CMC1: variants seen among roughly 807,000 people sequenced by gnomAD.
CMC1 encodes C-X9-C motif containing 1.
CMC1 carries 14 observed loss-of-function variants against 14.1 expected under a neutral mutation model. The observed-to-expected ratio is 0.99, with a 90% CI of 0.66 to 1.55. CMC1 has a LOEUF of 1.55. CMC1 is among the 40% of genes most tolerant of loss of function. CMC1 has a pLI of 0.00. For missense variants in CMC1, 127 were observed against 123.8 expected, an observed-to-expected ratio of 1.03 and a Z score of -0.12; for synonymous variants, 50 against 38.4, an observed-to-expected ratio of 1.30 and a Z score of -1.12.
At chr3:28,285,566 T>C (rs914639978) in intron 2 of CMC1, among the ~76,000 whole-genome samples, 4 of 151,998 alleles carry the variant, frequency 2.6e-5, no homozygotes, top group Non-Finnish European at 4.4e-5. Flanking sequence ...GAGAAATCTA[T>C]TGGGTACAGG....
chr3:28,278,045 T>TGATTGTGTGATTGATGA, intron 2 of CMC1, among the ~76,000 whole-genome samples: 1 of 150,170 alleles, frequency 6.7e-6, no homozygotes, highest in African/African-American at 2.4e-5. Context: ...CATTTTTGTC[T>TGATTGTGTGATTGATGA]GATTGTGTGA....
intron 1 of CMC1, among the ~76,000 whole-genome samples, chr3:28,249,671 G>A (rs992270182): frequency 1.3e-5 from 2 of 152,162 alleles, no homozygotes; most frequent in Non-Finnish European, 1.5e-5. Flanking sequence ...CCTCTCAGGT[G>A]GTTCTTGGGT....
At chr3:28,248,821 G>T (rs1334009227) in intron 1 of CMC1, among the ~76,000 whole-genome samples, 1 of 151,700 alleles carries the variant, frequency 6.6e-6, no homozygotes, top group Non-Finnish European at 1.5e-5. Flanking sequence ...ACAGAGTCTC[G>T]CTCTGTTGCC....
chr3:28,257,701 T>G (rs568084706), intron 1 of CMC1, among the ~76,000 whole-genome samples: 1 of 152,156 alleles, frequency 6.6e-6, no homozygotes, highest in East Asian at 1.9e-4. Context: ...GTATTTTTAG[T>G]AGGGACAGGG....
chr3:28,248,058 T>C (rs996704622), intron 1 of CMC1, among the ~76,000 whole-genome samples: 1 of 152,086 alleles, frequency 6.6e-6, no homozygotes, highest in Non-Finnish European at 1.5e-5. Context: ...CACCAAAATA[T>C]CATATAACCT....
rs1218584136 is a variant in CMC1 at position 28,324,687 on chromosome 3, C to G, written c.*5058C>G. The G allele has an allele frequency of 1.6e-5, 6 of 368,294 alleles. No individual in the cohort carries two copies. The highest frequency in any genetic ancestry group is 7.8e-5 in the East Asian group (2 of 25,602). The allele number at this position is 368,294 out of a possible 1,614,324, so 22.8% of individuals were successfully genotyped here. On this transcript the variant is annotated 3_prime_UTR_variant, in exon 4 of 4. Transcript: ENST00000466830. ...TTTGTCTCTTAGCTGCTCCTGATGT[C>G]TCTTTCCTTGTCTGCAGAATGGATA...
At chr3:28,247,479 C>A (rs914259904) in intron 1 of CMC1, among the ~76,000 whole-genome samples, 6 of 152,100 alleles carry the variant, frequency 3.9e-5, no homozygotes, top group African/African-American at 1.2e-4. Context: ...GGCTTTCATG[C>A]CCTTTTTCAG....
chr3:28,264,597 TCAAC>T (rs1699907423), intron 2 of CMC1, among the ~76,000 whole-genome samples: 1 of 152,194 alleles, frequency 6.6e-6, no homozygotes, highest in Admixed American at 6.5e-5. Flanking sequence ...TCTTGAGACG[TCAAC>T]CTATTGACAC....
chr3:28,288,320 G>T (rs1701301062), intron 2 of CMC1, among the ~76,000 whole-genome samples: 1 of 151,946 alleles, frequency 6.6e-6, no homozygotes, highest in Non-Finnish European at 1.5e-5. Flanking sequence ...TGAGCCAAGT[G>T]ATATCAAATA....
intron 2 of CMC1, among the ~76,000 whole-genome samples, chr3:28,302,790 T>G (rs963215440): frequency 6.6e-6 from 1 of 152,190 alleles, no homozygotes; most frequent in Non-Finnish European, 1.5e-5. Flanking sequence ...CCTGTGGTAG[T>G]GATACAATGT....
At chr3:28,285,769 A>ATTT (rs34243188) in intron 2 of CMC1, among the ~76,000 whole-genome samples, 2 of 142,460 alleles carry the variant, frequency 1.4e-5, no homozygotes, top group South Asian at 2.2e-4. Flanking sequence ...AATTCTCAGC[A>ATTT]TTTTTTTTTT....
chr3:28,314,832 G>A (rs1218108159), intron 2 of CMC1, among the ~76,000 whole-genome samples: 2 of 151,896 alleles, frequency 1.3e-5, no homozygotes, highest in African/African-American at 2.4e-5. Flanking sequence ...AAATATTTTT[G>A]TTACATAATT....
Position 28,320,205 on chromosome 3 carries a change from G to A in CMC1, c.*576G>A, listed in dbSNP as rs1559452493. ...GCTCTTATATTGGTAGTTACTGTTA[G>A]TAGTAGTAGAGGCTTATTTGGAAAC... is the stretch of plus-strand genomic sequence containing the variant. On this transcript the variant is annotated 3_prime_UTR_variant, in exon 4 of 4. Transcript: ENST00000466830. The A allele has an allele frequency of 6.6e-6, 1 of 151,602 alleles. No homozygotes were observed. Among genetic ancestry groups the A allele is most frequent in the Non-Finnish European group, 1.5e-5 (1 of 67,764 alleles). The allele number at this position is 151,602 out of a possible 1,614,324, so 9.4% of individuals were successfully genotyped here.
intron 2 of CMC1, among the ~76,000 whole-genome samples, chr3:28,309,093 C>G (rs1376460951): frequency 6.6e-6 from 1 of 152,098 alleles, no homozygotes; most frequent in Non-Finnish European, 1.5e-5. Flanking sequence ...TCTCTGGTGC[C>G]ACATAGTCCT....
intron 1 of CMC1, among the ~76,000 whole-genome samples, chr3:28,254,614 G>A (rs1037710432): frequency 3.3e-5 from 5 of 152,164 alleles, no homozygotes; most frequent in African/African-American, 1.2e-4. Context: ...TGGAAAAATG[G>A]TTTGATATTA....
At chr3:28,271,123 T>C (rs1700263699) in intron 2 of CMC1, among the ~76,000 whole-genome samples, 1 of 151,776 alleles carries the variant, frequency 6.6e-6, no homozygotes. Context: ...TTTTTTGAGA[T>C]GGAGTCTCAC....
At chr3:28,306,678 CT>C (rs1702330714) in intron 2 of CMC1, among the ~76,000 whole-genome samples, 1 of 146,688 alleles carries the variant, frequency 6.8e-6, no homozygotes, top group African/African-American at 2.5e-5. Flanking sequence ...GAGTCTTGCT[CT>C]TGTCACCCAG....
Position 28,319,494 on chromosome 3 carries a change from A to T in CMC1, c.201-15A>T, listed in dbSNP as rs1279825148. 1 of 1,578,778 alleles carries T rather than the reference A, an allele frequency of 6.3e-7. No homozygotes were observed. The highest frequency in any genetic ancestry group is 1.1e-5 in the South Asian group (1 of 87,616). ...GGATTATTTACTTGAAAATATTTTCATTTCCTTCTCATAGCTATAATGATC... is the reference window on the plus strand; with the variant it reads ...GGATTATTTACTTGAAAATATTTTCTTTTCCTTCTCATAGCTATAATGATC... On this transcript the variant is annotated splice_polypyrimidine_tract_variant and intron_variant, in intron 3 of 3. Coordinates refer to ENST00000466830, the MANE Select transcript of CMC1 (RefSeq NM_182523.2).
At chr3:28,300,294 T>G (rs1403777501) in intron 2 of CMC1, among the ~76,000 whole-genome samples, 1 of 152,176 alleles carries the variant, frequency 6.6e-6, no homozygotes, top group African/African-American at 2.4e-5. Flanking sequence ...TTCGAATCTA[T>G]GTAGCTGTAT....
Sources: allele counts gnomAD v4.1 joint callset (sites outside exome capture counted in the v4.1 genomes callset), GRCh38; gene constraint gnomAD v4.1.1; transcripts MANE v1.5; gene names NCBI Gene and HGNC (gene_info 2026-07-23, HGNC 2026-07-21).